COPA: variants seen among roughly 807,000 people sequenced by gnomAD.
COPA encodes the protein coatomer subunit alpha.
In COPA, 10 loss-of-function variants were observed where a neutral mutation model predicts 158.7. That is an observed-to-expected ratio of 0.06 (90% CI 0.04 to 0.11). The LOEUF (loss-of-function observed/expected upper bound fraction) is 0.11, where lower values mean the gene tolerates loss of function less well. Ranked by LOEUF, COPA falls within the 10% of genes least tolerant of loss-of-function variation. The pLI is 1.00. For missense variants in COPA, 1,065 were observed against 1,536.7 expected, an observed-to-expected ratio of 0.69 and a Z score of 5.13; for synonymous variants, 462 against 542.8, an observed-to-expected ratio of 0.85 and a Z score of 2.07.
At position 160,297,728 on chromosome 1, in the gene COPA, G is replaced by A; in HGVS notation, c.1995C>T (p.Ala665=). The part of the protein sequence containing the change: ...CGNIEIALEA[A]KALDDKNCWE... The stretch of plus-strand genomic sequence containing the variant: ...AGCAGTTCTTGTCATCCAGTGCTTT[G>A]GCTGCTTCCAGAGCAATCTAAAGAA... Residue 665 remains alanine, a synonymous_variant, in exon 20 of 33, where the codon GCC becomes GCT. Coordinates refer to ENST00000241704, the MANE Select transcript of COPA (RefSeq NM_004371.4). The A allele has an allele frequency of 6.2e-7, 1 of 1,613,936 alleles. No individual in the cohort carries two copies. The highest frequency in any genetic ancestry group is 1.1e-5 in the South Asian group (1 of 91,062).
rs758422851 is a variant in COPA, at chr1:160,299,258, G to A, written c.1674C>T (p.His558=). ...GTAAATCCAGAGTTCGAATGATCCC[G>A]TGGTCCCTAAGAACAGAGGGCACAG... is the stretch of plus-strand genomic sequence containing the variant. The part of the protein sequence containing the change: ...HIKYAVTTGD[H]GIIRTLDLPI... The change falls in exon 18 of 33, where the codon CAC becomes CAT. Residue 558 remains histidine, a synonymous_variant. Transcript: ENST00000241704. 47 of 1,611,178 alleles carry A rather than the reference G, an allele frequency of 2.9e-5. No homozygotes were observed. The highest frequency in any genetic ancestry group is 2.9e-4 in the East Asian group (13 of 44,800).
intron 3 of COPA, among the ~76,000 whole-genome samples, chr1:160,337,054 T>G (rs1045754058): frequency 9.2e-5 from 14 of 152,200 alleles, no homozygotes; most frequent in African/African-American, 3.4e-4. Flanking sequence ...TAAATACACA[T>G]GTACACAGTA....
chr1:160,330,812 G>A (rs1383592033), intron 6 of COPA, among the ~76,000 whole-genome samples: 1 of 152,140 alleles, frequency 6.6e-6, no homozygotes, highest in Non-Finnish European at 1.5e-5. Context: ...AATGAAACAT[G>A]TTTTGTAGTC....
rs1658296533 is a variant in COPA at position 160,293,197 on chromosome 1, A to G, written c.2792T>C (p.Ile931Thr). The change falls in exon 27 of 33, where the codon ATC becomes ACC. Residue 931 changes from isoleucine to threonine, a missense_variant. This residue lies in a region of COPA where 980 missense variants were observed against 1,357.8 expected (regional missense o/e 0.72). Transcript: ENST00000241704. ...CNNSQLPVDH[I>T]LAGSFETAMR... is the part of the protein sequence containing the mutation. ...GGCTGTTTCGAAAGAGCCTGCCAGG[A>G]TGTGATCAACTGGAAGCTGAGAGTT... 1 of 1,614,076 alleles carries G rather than the reference A, an allele frequency of 6.2e-7. No homozygotes were observed. The highest frequency in any genetic ancestry group is 1.7e-5 in the Admixed American group (1 of 60,000).
rs774116869 is a variant in COPA, at chr1:160,313,064, AAG to A, written c.925+19_925+20del. On this transcript the variant is annotated intron_variant, in intron 10 of 32. Transcript: ENST00000241704. The stretch of plus-strand genomic sequence containing the variant: ...TAAACTTTGAATTAAGCAAAGAAAA[AAG>A]AGAGAAAATGGCCCTTACCTGCTGC... 1.9e-6 allele frequency: 3 copies of A among 1,604,818 alleles called. No homozygotes were observed. The highest frequency in any genetic ancestry group is 2.7e-5 in the African/African-American group (2 of 74,566).
chr1:160,323,105 G>C (rs573619778), intron 8 of COPA, among the ~76,000 whole-genome samples: 1 of 151,926 alleles, frequency 6.6e-6, no homozygotes, highest in South Asian at 2.1e-4. Flanking sequence ...GTTAAGGGAA[G>C]AACAAAGAGA....
chr1:160,303,621 G>A (rs1435003700), intron 17 of COPA, among the ~76,000 whole-genome samples: 6 of 152,148 alleles, frequency 3.9e-5, no homozygotes, highest in Admixed American at 6.5e-5. Flanking sequence ...TATGATTTGG[G>A]AGTCAATAAA....
intron 8 of COPA, 55 bp from the exon 9 acceptor site, chr1:160,314,180 A>T: frequency 6.5e-7 from 1 of 1,549,846 alleles, no homozygotes; most frequent in Non-Finnish European, 8.7e-7. Flanking sequence ...TAACTTTAGG[A>T]TTTGGAGATA....
intron 8 of COPA, among the ~76,000 whole-genome samples, chr1:160,318,468 T>TAAAAA (rs71090307): frequency 5.6e-3 from 87 of 15,526 alleles, no homozygotes; most frequent in Middle Eastern, 0.036. Context: ...ACAATATTTG[T>TAAAAA]AAAAAAAAAA....
Position 160,296,100 on chromosome 1 carries a change from A to C in COPA, c.2313T>G (p.Ala771=). 2 of 1,614,182 alleles carry C rather than the reference A, an allele frequency of 1.2e-6. No individual in the cohort carries two copies. Among genetic ancestry groups the C allele is most frequent in the South Asian group, 1.1e-5 (1 of 91,084 alleles). Reference sequence around the variant, plus strand: ...GGTCAAATGTCTCCTTTAGGCTCTCAGCTTCTTCATCTAAGCCATGGGTAG... The same window carrying C: ...GGTCAAATGTCTCCTTTAGGCTCTCCGCTTCTTCATCTAAGCCATGGGTAG... The part of the protein sequence containing the change: ...TAATHGLDEE[A]ESLKETFDPE... The change falls in exon 22 of 33, where the codon GCT becomes GCG. Residue 771 remains alanine, a synonymous_variant. Transcript: ENST00000241704.
At chr1:160,331,913 G>A (rs532521720) in intron 6 of COPA, among the ~76,000 whole-genome samples, 1 of 150,930 alleles carries the variant, frequency 6.6e-6, no homozygotes, top group Admixed American at 6.6e-5. Context: ...ACACCACTGC[G>A]CTCCAGCCTG....
chr1:160,319,101 G>A (rs1571170422), intron 8 of COPA, among the ~76,000 whole-genome samples: 1 of 152,100 alleles, frequency 6.6e-6, no homozygotes, highest in South Asian at 2.1e-4. Context: ...GTGGCTAAAC[G>A]GATAAAGAGA....
At chr1:160,339,355 A>T (rs1647932333) in intron 3 of COPA, 1 of 152,182 alleles carries the variant, frequency 6.6e-6, no homozygotes, top group African/African-American at 2.4e-5. Flanking sequence ...AAACATATAA[A>T]TCTGGTATCA....
intron 17 of COPA, among the ~76,000 whole-genome samples, chr1:160,300,265 G>A (rs374967269): frequency 2.9e-4 from 44 of 151,788 alleles, no homozygotes; most frequent in African/African-American, 8.9e-4. Context: ...ACTTGAACCC[G>A]AGAGACGGAG....
chr1:160,312,989 C>T (rs1483576363), intron 10 of COPA, 96 bp downstream of exon 10: 3 of 1,084,984 alleles, frequency 2.8e-6, no homozygotes, highest in Non-Finnish European at 4.0e-6. Flanking sequence ...TTCTTGTCAT[C>T]CTACTATACA....
chr1:160,313,115 C>G lies in COPA; in HGVS notation c.895G>C (p.Ala299Pro). ...RDHDRFWVLA[A>P]HPNLNLFAAG... ...GCAAAGAGGTTAAGGTTAGGGTGAG[C>G]AGCTAGGACCCAGAAACGATCATGG... The change falls in exon 10 of 33, where the codon GCT becomes CCT. Residue 299 changes from alanine to proline, a missense_variant. Physicochemically the swap from Ala to Pro is conservative, Grantham distance 27. Transcript: ENST00000241704. 6.2e-7 allele frequency: 1 copy of G among 1,614,100 alleles called. No individual in the cohort carries two copies. Among genetic ancestry groups the G allele is most frequent in the Non-Finnish European group, 8.5e-7 (1 of 1,180,010 alleles).
At chr1:160,318,492 C>CAAAAA (rs1184111001) in intron 8 of COPA, among the ~76,000 whole-genome samples, 52 of 58,028 alleles carry the variant, frequency 9.0e-4, no homozygotes, top group Admixed American at 2.6e-3. Flanking sequence ...AAAAAAAAAA[C>CAAAAA]AAAAAAAAAA....
At position 160,292,047 on chromosome 1, in the gene COPA, G is replaced by A; in HGVS notation, c.3112C>T (p.Leu1038Phe). Residue 1038 changes from leucine (L) to phenylalanine (F), a missense_variant, in exon 29 of 33, where the codon CTT becomes TTT. Physicochemically the swap from Leu to Phe is conservative, Grantham distance 22. This residue lies in a region of COPA where 980 missense variants were observed against 1,357.8 expected (regional missense o/e 0.72). Coordinates refer to ENST00000241704, the MANE Select transcript of COPA (RefSeq NM_004371.4). ...TCTTGTTTATTGTCCACAACAAGAA[G>A]TGGCACACTGAGAAGGATGGAACGG... is the stretch of plus-strand genomic sequence containing the variant. ...KFRSILLSVP[L>F]LVVDNKQEIA... The A allele has an allele frequency of 1.2e-6, 2 of 1,614,232 alleles. No homozygotes were observed. Among genetic ancestry groups the A allele is most frequent in the Non-Finnish European group, 1.7e-6 (2 of 1,180,040 alleles).
chr1:160,294,448 C>A, intron 25 of COPA, 36 bp downstream of exon 25: 1 of 1,580,164 alleles, frequency 6.3e-7, no homozygotes, highest in Non-Finnish European at 8.7e-7. Flanking sequence ...CAGGGAGATA[C>A]GGAGAGAACC....
Sources: gnomAD v4.1 joint callset for allele counts (sites outside exome capture counted in the v4.1 genomes callset) on GRCh38, gnomAD v4.1.1 for gene constraint, gnomAD v4.1.1 regional missense constraint, MANE v1.5 for transcripts, NCBI Gene and HGNC (gene_info 2026-07-23, HGNC 2026-07-21) for gene names.